COPS3: variants seen among roughly 807,000 people sequenced by gnomAD.
The protein encoded by COPS3 is COP9 signalosome subunit 3.
Under a neutral mutation model 58.2 loss-of-function variants are expected in COPS3, and 10 were observed. The ratio of observed to expected loss-of-function variants is 0.17; its 90% CI spans 0.11 to 0.29. The LOEUF (loss-of-function observed/expected upper bound fraction) is 0.29, where lower values mean the gene tolerates loss of function less well. COPS3 is among the 10% of genes least tolerant of loss of function. The pLI is 1.00. For missense variants in COPS3, 333 were observed against 510.1 expected, an observed-to-expected ratio of 0.65 and a Z score of 3.34; for synonymous variants, 187 against 181.7, an observed-to-expected ratio of 1.03 and a Z score of -0.24.
At chr17:17,268,331 C>G (rs1006733452) in intron 4 of COPS3, among the ~76,000 whole-genome samples, 2 of 152,120 alleles carry the variant, frequency 1.3e-5, no homozygotes, top group African/African-American at 4.8e-5. Flanking sequence ...GAGACAACAG[C>G]CTATGCTTAG....
At chr17:17,250,027 A>G (rs1012564188) in intron 9 of COPS3, among the ~76,000 whole-genome samples, 3 of 152,172 alleles carry the variant, frequency 2.0e-5, no homozygotes, top group African/African-American at 7.2e-5. Flanking sequence ...GTCACCCCAG[A>G]AAGAGGCCCT....
chr17:17,249,316 T>TTTTATTTA (rs533955606), intron 9 of COPS3, among the ~76,000 whole-genome samples: 7 of 151,882 alleles, frequency 4.6e-5, no homozygotes, highest in Admixed American at 1.3e-4. Flanking sequence ...TAATTAACCA[T>TTTTATTTA]TTTATTTATT....
At chr17:17,274,285 C>T (rs2048412472) in intron 2 of COPS3, among the ~76,000 whole-genome samples, 1 of 152,074 alleles carries the variant, frequency 6.6e-6, no homozygotes, top group South Asian at 2.1e-4. Flanking sequence ...TATTGTGAAC[C>T]CCAGATGAAA....
chr17:17,258,990 T>C (rs997472968), intron 8 of COPS3, among the ~76,000 whole-genome samples: 1 of 152,044 alleles, frequency 6.6e-6, no homozygotes, highest in East Asian at 1.9e-4. Context: ...CTCCTTAGGA[T>C]CCTTTATCCT....
At chr17:17,266,208 A>ATAGAATACTCCGTACCTG (rs2048217719) in intron 5 of COPS3, among the ~76,000 whole-genome samples, 1 of 152,226 alleles carries the variant, frequency 6.6e-6, no homozygotes, top group Non-Finnish European at 1.5e-5. Flanking sequence ...TACTCATATT[A>ATAGAATACTCCGTACCTG]TAGAATACTC....
At chr17:17,247,339 C>G in intron 11 of COPS3, 141 bp downstream of exon 11, 1 of 943,368 alleles carries the variant, frequency 1.1e-6, no homozygotes, top group Non-Finnish European at 1.7e-6. Flanking sequence ...AAAATGCTCT[C>G]AACTAGTATT....
At chr17:17,280,668 G>C (rs1311293209) in intron 1 of COPS3, 2 of 1,306,220 alleles carry the variant, frequency 1.5e-6, no homozygotes, top group Non-Finnish European at 2.0e-6. Flanking sequence ...GCAGAGGCGA[G>C]CCATAGAGCC....
intron 9 of COPS3, among the ~76,000 whole-genome samples, chr17:17,249,649 C>T (rs778711588): frequency 2.0e-5 from 3 of 152,192 alleles, no homozygotes; most frequent in Non-Finnish European, 4.4e-5. Context: ...TGCACCACCA[C>T]GCCTGGCTAA....
rs2047748664 is a variant in COPS3, at chr17:17,247,472, C to T, written c.1218+8G>A. ...GCCTACTTCTTGTAATAAGGGAACCCTCATCACCTTTTGTACAAACTGAGG... is the reference window on the plus strand; with the variant it reads ...GCCTACTTCTTGTAATAAGGGAACCTTCATCACCTTTTGTACAAACTGAGG... On this transcript the variant is annotated splice_region_variant and intron_variant, in intron 11 of 11. Transcript: ENST00000268717. 6.2e-7 allele frequency: 1 copy of T among 1,613,796 alleles called. No individual in the cohort carries two copies. Among genetic ancestry groups the T allele is most frequent in the Admixed American group, 1.7e-5 (1 of 60,002 alleles).
At chr17:17,278,970 G>T (rs2048518166) in intron 1 of COPS3, among the ~76,000 whole-genome samples, 1 of 151,712 alleles carries the variant, frequency 6.6e-6, no homozygotes, top group Non-Finnish European at 1.5e-5. Context: ...CACCTCCCAG[G>T]TTCATGCCAT....
At chr17:17,257,806 A>G (rs201271227) in intron 8 of COPS3, among the ~76,000 whole-genome samples, 13 of 147,912 alleles carry the variant, frequency 8.8e-5, no homozygotes, top group Admixed American at 2.1e-4. Flanking sequence ...CAAAAAAAAA[A>G]AAAAAGAAAA....
chr17:17,277,423 T>A (rs80031303), intron 1 of COPS3, among the ~76,000 whole-genome samples: 2 of 152,336 alleles, frequency 1.3e-5, no homozygotes, highest in Admixed American at 1.3e-4. Context: ...ATGTTTGTTT[T>A]GTTTTGTTTT....
chr17:17,262,309 G>A (rs533036108), intron 6 of COPS3, among the ~76,000 whole-genome samples: 55 of 152,210 alleles, frequency 3.6e-4, no homozygotes, highest in Admixed American at 1.8e-3. Flanking sequence ...CATCTAGGCT[G>A]GAGCGCAGTG....
chr17:17,250,913 A>C (rs909186298), intron 9 of COPS3, among the ~76,000 whole-genome samples: 2 of 152,190 alleles, frequency 1.3e-5, no homozygotes, highest in African/African-American at 4.8e-5. Context: ...ATCTAAGCAA[A>C]ATTTGGACCT....
rs1457228824 is a variant in COPS3 at position 17,263,353 on chromosome 17, G to T, written c.622-1247C>A. 6.0e-5 allele frequency among the ~76,000 whole-genome samples: 9 copies of T among 151,036 alleles called. No homozygotes were observed. In the East Asian group the frequency reaches 1.6e-3, roughly 27 times the overall value. On this transcript the variant is annotated intron_variant, in intron 6 of 11. Transcript: ENST00000268717. ...GTAGCTGGGATTACAGGCGCCTGCT[G>T]CCAGGCCCAGCTAATTTTTGCATTT...
chr17:17,273,487 G>C (rs911407782), intron 2 of COPS3, among the ~76,000 whole-genome samples: 2 of 152,110 alleles, frequency 1.3e-5, no homozygotes, highest in Non-Finnish European at 2.9e-5. Flanking sequence ...GCTCACACCT[G>C]TAATCCTAGC....
intron 2 of COPS3, among the ~76,000 whole-genome samples, chr17:17,273,662 G>A (rs966616010): frequency 3.9e-5 from 6 of 152,142 alleles, no homozygotes; most frequent in Admixed American, 1.3e-4. Context: ...ACCAGCCTGG[G>A]AAACGTGATG....
chr17:17,255,984 G>A (rs921007792), intron 8 of COPS3, among the ~76,000 whole-genome samples: 14 of 150,150 alleles, frequency 9.3e-5, no homozygotes, highest in Admixed American at 2.0e-4. Context: ...CCTGGCTAAC[G>A]TGGTGAAACC....
At chr17:17,273,666 C>T (rs1042406931) in intron 2 of COPS3, among the ~76,000 whole-genome samples, 1 of 152,072 alleles carries the variant, frequency 6.6e-6, no homozygotes, top group Admixed American at 6.6e-5. Context: ...GCCTGGGAAA[C>T]GTGATGAAAC....
Sources: gnomAD v4.1 joint callset for allele counts (sites outside exome capture counted in the v4.1 genomes callset) on GRCh38, gnomAD v4.1.1 for gene constraint, MANE v1.5 for transcripts, NCBI Gene and HGNC (gene_info 2026-07-23, HGNC 2026-07-21) for gene names.